VPS13C: variants seen among roughly 807,000 people sequenced by gnomAD.
VPS13C encodes intermembrane lipid transfer protein VPS13C.
A neutral mutation model predicts 456.8 loss-of-function variants in VPS13C; 358 were observed. The ratio of observed to expected loss-of-function variants is 0.78; its 90% confidence interval spans 0.72 to 0.86. The LOEUF (loss-of-function observed/expected upper bound fraction) is 0.86. Among genes scored for constraint, VPS13C ranks in the 40% least tolerant of loss-of-function variants. VPS13C has a pLI of 0.00. For missense variants in VPS13C, 4,818 were observed against 4,385.4 expected (o/e 1.10, Z -2.79); for synonymous variants, 1,578 against 1,486.7 (o/e 1.06, Z -1.41).
At chr15:61,951,253 T>G (rs1441318829) in intron 39 of VPS13C, among the ~76,000 whole-genome samples, 1 of 152,096 alleles carries the variant, frequency 6.6e-6, no homozygotes, top group Non-Finnish European at 1.5e-5. Context: ...ACAACTGGTA[T>G]AACCTATGGT....
In VPS13C at chr15:61,920,219, A is replaced by G; in HGVS notation, c.7325T>C (p.Leu2442Pro). The change falls in exon 57 of 85, where the codon CTC becomes CCC. Residue 2442 changes from leucine to proline, a missense_variant. Around this residue, in one of 3 missense-constraint regions of VPS13C, gnomAD observed 4,552 missense variants for 4,130.6 expected, o/e 1.10. Coordinates refer to ENST00000644861, the MANE Select transcript of VPS13C (RefSeq NM_020821.3). ...VPIKVKPNCNLRVMGFPEKSD... is the reference protein window; with the variant it reads ...VPIKVKPNCNPRVMGFPEKSD... ...TTTCTCAGGGAAGCCCATTACTCTG[A>G]GATTACAATTGGGCTTCACCTTAAT... 6.2e-7 allele frequency: 1 copy of G among 1,613,692 alleles called. No homozygotes were observed.
intron 66 of VPS13C, among the ~76,000 whole-genome samples, chr15:61,892,783 T>A (rs11629741): frequency 6.6e-6 from 1 of 151,976 alleles, no homozygotes; most frequent in East Asian, 1.9e-4. Context: ...ATCAGTGAAA[T>A]TGAAACAGAC....
intron 9 of VPS13C, among the ~76,000 whole-genome samples, chr15:62,015,870 A>AC (rs2047223527): frequency 7.1e-6 from 1 of 140,980 alleles, no homozygotes; most frequent in Non-Finnish European, 1.5e-5. Flanking sequence ...CCAGCATGGC[A>AC]CATGTATACA....
chr15:61,964,025 T>C (rs1051502828), intron 31 of VPS13C, 74 bp from the exon 32 acceptor site: 2 of 905,688 alleles, frequency 2.2e-6, no homozygotes, highest in Admixed American at 2.4e-5. Flanking sequence ...TTATTCGCTA[T>C]ATTAAGTGAA....
chr15:61,948,599 C>T (rs1275543531), intron 42 of VPS13C, among the ~76,000 whole-genome samples: 1 of 151,924 alleles, frequency 6.6e-6, no homozygotes, highest in Non-Finnish European at 1.5e-5. Context: ...AAGAAAATTG[C>T]TTGAACCTGG....
In VPS13C at chr15:61,941,743, A is replaced by G. The variant is rs375800961; in HGVS notation, c.5453+20T>C. Reference sequence around the variant, plus strand: ...TCCTATTTCTAGTAAGCAATACACAATTAGATTACATATTTATACCTTGAC... The same window carrying G: ...TCCTATTTCTAGTAAGCAATACACAGTTAGATTACATATTTATACCTTGAC... On this transcript the variant is annotated intron_variant, in intron 46 of 84. Transcript: ENST00000644861. The G allele has an allele frequency of 1.3e-5, 20 of 1,583,990 alleles. No individual in the cohort carries two copies. Among genetic ancestry groups the G allele is most frequent in the Middle Eastern group, 2.1e-4 (1 of 4,826 alleles).
intron 69 of VPS13C, 129 bp downstream of exon 69, chr15:61,882,467 A>C: frequency 1.1e-6 from 1 of 938,804 alleles, no homozygotes. Flanking sequence ...ATGTGGAAAA[A>C]GGGGAAAAAA....
At chr15:62,044,976 T>A (rs570455158) in intron 1 of VPS13C, among the ~76,000 whole-genome samples, 1 of 152,166 alleles carries the variant, frequency 6.6e-6, no homozygotes, top group African/African-American at 2.4e-5. Context: ...TAATATATTT[T>A]CTTAATCATT....
intron 16 of VPS13C, among the ~76,000 whole-genome samples, chr15:61,994,751 G>A (rs1182020035): frequency 4.6e-5 from 7 of 151,994 alleles, no homozygotes; most frequent in South Asian, 2.1e-4. Context: ...CACCACACCC[G>A]GCTAATTTTT....
In VPS13C at chr15:61,991,705, T is replaced by TAAAAA; in HGVS notation, c.1450_1451insTTTTT (p.Lys484IlefsTer10). 1.2e-6 allele frequency: 2 copies of TAAAAA among 1,612,882 alleles called. No individual in the cohort carries two copies. The highest frequency in any genetic ancestry group is 2.2e-5 in the South Asian group (2 of 90,782). ...AATCAATGATTCTTCGTCCTTTTTC[T>TAAAAA]TAGACTCTTTCTTACCCCACAACCC... On this transcript the variant is annotated frameshift_variant, in exon 17 of 85. Coordinates refer to ENST00000644861, the MANE Select transcript of VPS13C (RefSeq NM_020821.3). LOFTEE classifies it high-confidence loss of function.
chr15:61,950,920 G>C, intron 40 of VPS13C, 25 bp downstream of exon 40: 1 of 1,478,212 alleles, frequency 6.8e-7, no homozygotes, highest in African/African-American at 1.4e-5. Context: ...AAATATTAAA[G>C]AATCCTAGAA....
chr15:61,879,398 A>G (rs1262714871), intron 73 of VPS13C: 2 of 152,124 alleles, frequency 1.3e-5, no homozygotes, highest in African/African-American at 4.8e-5. Flanking sequence ...ACTTGGGGCA[A>G]CGCCAGGAAA....
rs1477323389 is a variant in VPS13C, at chr15:61,941,801, A to G, written c.5415T>C (p.Asp1805=). 3 of 1,613,404 alleles carry G rather than the reference A, an allele frequency of 1.9e-6. No individual in the cohort carries two copies. Among genetic ancestry groups the G allele is most frequent in the Non-Finnish European group, 1.7e-6 (2 of 1,179,560 alleles). Residue 1805 remains aspartate (D), a synonymous_variant, in exon 46 of 85, where the codon GAT becomes GAC. Coordinates refer to ENST00000644861, the MANE Select transcript of VPS13C (RefSeq NM_020821.3). ...ACTGAGTGAGTTCGATGTTCATTTT[A>G]TCAATGACTGGAGGAAGAGAATAAT... The part of the protein sequence containing the change: ...MEHYSLPPVI[D]KMNIELTQLK...
chr15:61,925,192 A>T (rs4775453), intron 53 of VPS13C, among the ~76,000 whole-genome samples: 2 of 151,002 alleles, frequency 1.3e-5, no homozygotes, highest in South Asian at 2.1e-4. Context: ...CTCAACCCCC[A>T]CAACACACGC....
intron 66 of VPS13C, among the ~76,000 whole-genome samples, 199 bp from the exon 67 acceptor site, chr15:61,890,599 A>T (rs1188398710): frequency 2.0e-5 from 3 of 152,328 alleles, no homozygotes; most frequent in South Asian, 4.1e-4. Flanking sequence ...ACGAAGACTA[A>T]TAGTACGTAG....
intron 30 of VPS13C, 133 bp downstream of exon 30, chr15:61,965,950 A>T (rs2045362865): frequency 1.9e-6 from 1 of 523,484 alleles, no homozygotes. Flanking sequence ...AGTATCGATG[A>T]GGTTATTTAT....
rs199797503 is a variant in VPS13C at position 61,940,636 on chromosome 15, T to C, written c.5601+11A>G. 3 of 1,610,264 alleles carry C rather than the reference T, an allele frequency of 1.9e-6. No homozygotes were observed. Among genetic ancestry groups the C allele is most frequent in the Non-Finnish European group, 2.5e-6 (3 of 1,178,650 alleles). On this transcript the variant is annotated intron_variant, in intron 47 of 84. Transcript: ENST00000644861. ...CAAGAAATTTTCATATATTATATAC[T>C]AGCTACTTACCTGCATAGGTTTTAG...
At position 61,951,009 on chromosome 15, in the gene VPS13C, G is replaced by T; in HGVS notation, c.4472C>A (p.Pro1491His). The change falls in exon 40 of 85, where the codon CCT becomes CAT. Residue 1491 changes from proline to histidine, a missense_variant. By Grantham distance (77) the Pro-to-His change is moderately conservative (BLOSUM62 -2). Transcript: ENST00000644861. ...CFDFTDSKGE[P>H]LHIINSSNVT... ...ATTAGAAGAGTTAATAATGTGAAGA[G>T]GTTCCCCTTTAGAGTCTAAAAGAGA... 6.3e-7 allele frequency: 1 copy of T among 1,599,474 alleles called. No homozygotes were observed. Among genetic ancestry groups the T allele is most frequent in the South Asian group, 1.1e-5 (1 of 87,980 alleles).
At chr15:62,016,977 G>A (rs1487618816) in intron 9 of VPS13C, among the ~76,000 whole-genome samples, 1 of 152,196 alleles carries the variant, frequency 6.6e-6, no homozygotes, top group Non-Finnish European at 1.5e-5. Flanking sequence ...ACTGGTGTGA[G>A]ATGATATCTC....
Sources: gnomAD v4.1 joint callset for allele counts (sites outside exome capture counted in the v4.1 genomes callset) on GRCh38, gnomAD v4.1.1 for gene constraint, gnomAD v4.1.1 regional missense constraint, MANE v1.5 for transcripts, NCBI Gene and HGNC (gene_info 2026-07-23, HGNC 2026-07-21) for gene names.